The following MSANTD5 variants were observed in gnomAD, a reference collection of about 807,000 sequenced individuals.
The protein encoded by MSANTD5 is uncharacterized protein MSANTD5.
At chr5:178,705,455 C>T in the MSANTD5 span, among the ~76,000 whole-genome samples, 1 of 151,764 alleles carries the variant, frequency 6.6e-6, no homozygotes, top group Admixed American at 6.6e-5. Flanking sequence ...TCTTCCCCTG[C>T]AAAAAAGGAG....
At chr5:178,706,221 G>C in the MSANTD5 span, among the ~76,000 whole-genome samples, 1 of 152,172 alleles carries the variant, frequency 6.6e-6, no homozygotes, top group African/African-American at 2.4e-5. Context: ...AATCCCAGAA[G>C]TTCATGATGT....
chr5:178,704,892 G>C, the MSANTD5 span, among the ~76,000 whole-genome samples: 1 of 152,188 alleles, frequency 6.6e-6, no homozygotes, highest in Non-Finnish European at 1.5e-5. Context: ...GATGAGACTG[G>C]AGAGTGGAGA....
downstream of MSANTD5, among the ~76,000 whole-genome samples, chr5:178,693,043 C>T (rs191607721): frequency 1.1e-4 from 17 of 152,108 alleles, no homozygotes; most frequent in African/African-American, 3.9e-4. Context: ...GGGTTCGTAG[C>T]TCACGTCGGT....
downstream of MSANTD5, among the ~76,000 whole-genome samples, chr5:178,691,731 A>C: frequency 2.2e-5 from 3 of 137,222 alleles, 1 homozygote; most frequent in African/African-American, 7.8e-5. Context: ...AAATGGCCAA[A>C]ACCATGAAGA....
the MSANTD5 span, among the ~76,000 whole-genome samples, chr5:178,703,279 G>A: frequency 3.3e-5 from 5 of 152,220 alleles, no homozygotes; most frequent in African/African-American, 1.2e-4. Flanking sequence ...CCGTGTCAGG[G>A]TGCTTGGGCT....
At chr5:178,700,449 C>A (rs1040082200), upstream of MSANTD5, among the ~76,000 whole-genome samples, 6 of 152,200 alleles carry the variant, frequency 3.9e-5, no homozygotes, top group Non-Finnish European at 7.3e-5. Context: ...TATTCTAACG[C>A]TAGTCTGGCA....
chr5:178,698,710 G>A (rs1400426591), upstream of MSANTD5, among the ~76,000 whole-genome samples: 2 of 149,428 alleles, frequency 1.3e-5, no homozygotes, highest in Non-Finnish European at 3.0e-5. Context: ...CTCGCAGGTA[G>A]CTAGGATTAC....
chr5:178,700,837 G>A (rs375566483), upstream of MSANTD5, among the ~76,000 whole-genome samples: 2 of 152,206 alleles, frequency 1.3e-5, no homozygotes, highest in East Asian at 1.9e-4. Context: ...CCTAGGGCAG[G>A]AGATTGGGAC....
chr5:178,699,139 C>T (rs1487200550), upstream of MSANTD5, among the ~76,000 whole-genome samples: 3 of 152,070 alleles, frequency 2.0e-5, no homozygotes, highest in Non-Finnish European at 2.9e-5. Context: ...TCCTCTCCCC[C>T]AAATGTTAAT....
chr5:178,703,891 G>T, the MSANTD5 span, among the ~76,000 whole-genome samples: 1 of 150,302 alleles, frequency 6.7e-6, no homozygotes, highest in African/African-American at 2.5e-5. Flanking sequence ...TGAGGCAGGA[G>T]AATTGCTTGA....
At chr5:178,693,496 A>G (rs866507812), downstream of MSANTD5, among the ~76,000 whole-genome samples, 1 of 152,006 alleles carries the variant, frequency 6.6e-6, no homozygotes, top group Non-Finnish European at 1.5e-5. Context: ...GGTCTCACTG[A>G]CTTCAACAAT....
chr5:178,700,564 G>C (rs1765466308), upstream of MSANTD5, among the ~76,000 whole-genome samples: 1 of 116,132 alleles, frequency 8.6e-6, no homozygotes, highest in Non-Finnish European at 2.0e-5. Context: ...TGGGAGGTGG[G>C]AGATTAGATT....
chr5:178,700,813 C>G (rs186472573), upstream of MSANTD5, among the ~76,000 whole-genome samples: 1 of 152,168 alleles, frequency 6.6e-6, no homozygotes, highest in Non-Finnish European at 1.5e-5. Flanking sequence ...GTAAGTGCCA[C>G]GGAATCTCTG....
At chr5:178,700,322 C>T (rs1488869214), upstream of MSANTD5, among the ~76,000 whole-genome samples, 4 of 152,182 alleles carry the variant, frequency 2.6e-5, no homozygotes, top group African/African-American at 4.8e-5. Context: ...CGTGATAGGA[C>T]AGCTTCCCAG....
At chr5:178,692,713 A>T (rs1765369563), downstream of MSANTD5, among the ~76,000 whole-genome samples, 1 of 152,094 alleles carries the variant, frequency 6.6e-6, no homozygotes, top group Non-Finnish European at 1.5e-5. Flanking sequence ...CCATTTATAT[A>T]ACATTGTTGA....
At chr5:178,705,493 C>T in the MSANTD5 span, among the ~76,000 whole-genome samples, 3 of 152,168 alleles carry the variant, frequency 2.0e-5, no homozygotes, top group African/African-American at 7.2e-5. Flanking sequence ...CCAAGATGTA[C>T]TCCCTGATGA....
chr5:178,700,872 C>G (rs1463648069), upstream of MSANTD5, among the ~76,000 whole-genome samples: 1 of 152,182 alleles, frequency 6.6e-6, no homozygotes, highest in Non-Finnish European at 1.5e-5. Flanking sequence ...ACTTCTTGAG[C>G]TTTGAGATTA....
At position 178,697,572 on chromosome 5, in the gene MSANTD5, G is replaced by T. The variant is rs60233928; in HGVS notation, c.6+14C>A. 19,485 of 152,236 alleles carry T rather than the reference G, an allele frequency of 0.13. 1,461 individuals carry two copies. Among genetic ancestry groups the T allele is most frequent in the Middle Eastern group, 0.17 (50 of 294 alleles). The allele number at this position is 152,236 out of a possible 1,614,324, so 9.4% of individuals were successfully genotyped here. On this transcript the variant is annotated intron_variant, in intron 1 of 3. Transcript: ENST00000648368. The stretch of plus-strand genomic sequence containing the variant: ...TCCTCCCACGAAACAGCAAGCGGGC[G>T]CCCTTCAACTTGCCTCCATTTTTAC...
At chr5:178,693,028 G>T (rs185375584), downstream of MSANTD5, among the ~76,000 whole-genome samples, 1 of 151,904 alleles carries the variant, frequency 6.6e-6, no homozygotes, top group Non-Finnish European at 1.5e-5. Context: ...ATAAGACCAC[G>T]GGCTGGGTTC....
Sources: gnomAD v4.1 joint callset for allele counts (sites outside exome capture counted in the v4.1 genomes callset) on GRCh38, gnomAD v4.1.1 for gene constraint, MANE v1.5 for transcripts, NCBI Gene and HGNC (gene_info 2026-07-23, HGNC 2026-07-21) for gene names.